The following RC3H1 variants were observed in gnomAD, a reference collection of about 807,000 sequenced individuals.
RC3H1 encodes the protein roquin-1.
In RC3H1, 50 loss-of-function variants were observed where a neutral mutation model predicts 138.2. That is an observed-to-expected ratio of 0.36 (90% CI 0.29 to 0.46). The LOEUF is 0.46. RC3H1 is among the 20% of genes least tolerant of loss of function. The pLI is 1.00. For missense variants in RC3H1, 1,031 were observed against 1,388.1 expected (o/e 0.74, Z 4.09); for synonymous variants, 462 against 489.1 (o/e 0.94, Z 0.73).
At chr1:173,969,439 G>A (rs1660257928) in intron 9 of RC3H1, 1 of 151,572 alleles carries the variant, frequency 6.6e-6, no homozygotes, top group Non-Finnish European at 1.5e-5. Context: ...CCTTAGACAT[G>A]GCATCTATTG....
chr1:173,995,412 TA>T (rs1279072634), intron 1 of RC3H1, among the ~76,000 whole-genome samples: 2 of 151,414 alleles, frequency 1.3e-5, no homozygotes, highest in Non-Finnish European at 2.9e-5. Context: ...ACAATGCATG[TA>T]ATCTCAGCTA....
intron 1 of RC3H1, among the ~76,000 whole-genome samples, chr1:174,010,988 C>T (rs1031949279): frequency 2.0e-5 from 3 of 152,134 alleles, no homozygotes; most frequent in Non-Finnish European, 4.4e-5. Context: ...GGTGCTACCA[C>T]TTCACTATTT....
chr1:174,019,014 G>C (rs1661912347), intron 1 of RC3H1, among the ~76,000 whole-genome samples: 1 of 151,986 alleles, frequency 6.6e-6, no homozygotes, highest in Non-Finnish European at 1.5e-5. Context: ...AATATTAGCT[G>C]ACCCAACTTT....
intron 1 of RC3H1, among the ~76,000 whole-genome samples, chr1:174,020,042 T>C (rs1284427524): frequency 6.6e-6 from 1 of 152,000 alleles, no homozygotes; most frequent in African/African-American, 2.4e-5. Context: ...TTACTACAAT[T>C]GTTCTAATAG....
chr1:173,940,099 T>TA (rs1557916101), intron 19 of RC3H1, among the ~76,000 whole-genome samples: 2 of 152,152 alleles, frequency 1.3e-5, no homozygotes, highest in African/African-American at 4.8e-5. Context: ...TGATATAGGA[T>TA]AGACTGAATT....
rs1347836957 is a variant in RC3H1 at position 173,936,856 on chromosome 1, A to G, written c.*1865T>C. On this transcript the variant is annotated 3_prime_UTR_variant, in exon 20 of 20. Coordinates refer to ENST00000367696, the MANE Select transcript of RC3H1 (RefSeq NM_172071.4). ...TCATTCAGTGCTTCTACCACCTCCC[A>G]ATCGGTCAATTTATCGCAACAGCTG... is the stretch of plus-strand genomic sequence containing the variant. The G allele has an allele frequency of 6.9e-6, 1 of 145,708 alleles. No homozygotes were observed. The highest frequency in any genetic ancestry group is 6.9e-5 in the Admixed American group (1 of 14,468). The allele number at this position is 145,708 out of a possible 1,614,324, so 9.0% of individuals were successfully genotyped here.
At chr1:173,962,877 A>T in intron 11 of RC3H1, among the ~76,000 whole-genome samples, 1 of 152,208 alleles carries the variant, frequency 6.6e-6, no homozygotes, top group East Asian at 1.9e-4. Flanking sequence ...CATATTTTGC[A>T]TGAATTAGTA....
intron 2 of RC3H1, among the ~76,000 whole-genome samples, chr1:173,986,780 T>C (rs56926540): frequency 0.13 from 19,044 of 152,134 alleles, 1,286 homozygotes; most frequent in East Asian, 0.22. Flanking sequence ...GCCAGGCTGG[T>C]CTCCAACTCC....
At chr1:173,972,752 A>C in intron 7 of RC3H1, 125 bp from the exon 8 acceptor site, 1 of 650,472 alleles carries the variant, frequency 1.5e-6, no homozygotes, top group South Asian at 1.8e-5. Flanking sequence ...AGCTTTTTAG[A>C]TAATAGCTTA....
intron 2 of RC3H1, among the ~76,000 whole-genome samples, chr1:173,990,454 G>A (rs954376741): frequency 4.0e-5 from 6 of 151,872 alleles, no homozygotes; most frequent in African/African-American, 1.5e-4. Flanking sequence ...TCTATTTTCA[G>A]ATTGTCCATT....
At chr1:173,996,986 C>A (rs968344484) in intron 1 of RC3H1, among the ~76,000 whole-genome samples, 1 of 151,922 alleles carries the variant, frequency 6.6e-6, no homozygotes, top group African/African-American at 2.4e-5. Context: ...CCCCAGCACT[C>A]TGGGAGGTGG....
Position 173,934,929 on chromosome 1 carries a change from C to T in RC3H1, c.*3792G>A, listed in dbSNP as rs1001345372. ...CTCAAAGTAGCAAATGAGAATCATACCAATATTCTTTTAGGCAAAAGAAAT... is the reference window on the plus strand; with the variant it reads ...CTCAAAGTAGCAAATGAGAATCATATCAATATTCTTTTAGGCAAAAGAAAT... On this transcript the variant is annotated 3_prime_UTR_variant, in exon 20 of 20. Transcript: ENST00000367696. 3.9e-5 allele frequency: 6 copies of T among 152,062 alleles called. No individual in the cohort carries two copies. Among genetic ancestry groups the T allele is most frequent in the Non-Finnish European group, 8.8e-5 (6 of 67,978 alleles). 9.4% of individuals were successfully genotyped at this position (152,062 alleles called of 1,614,324 possible). A position where few individuals can be genotyped will look rare whatever the true frequency, so the allele number is the denominator to read the frequency against.
At chr1:174,019,249 TG>T (rs976182091) in intron 1 of RC3H1, among the ~76,000 whole-genome samples, 1 of 152,218 alleles carries the variant, frequency 6.6e-6, no homozygotes, top group Non-Finnish European at 1.5e-5. Context: ...AATACTTTCT[TG>T]GTCTTACAAG....
rs1658673837 is a variant in RC3H1, at chr1:173,937,950, G to C, written c.*771C>G. 6.6e-6 allele frequency: 1 copy of C among 152,156 alleles called. No homozygotes were observed. Among genetic ancestry groups the C allele is most frequent in the African/African-American group, 2.4e-5 (1 of 41,428 alleles). The allele number at this position is 152,156 out of a possible 1,614,324, so 9.4% of individuals were successfully genotyped here. On this transcript the variant is annotated 3_prime_UTR_variant, in exon 20 of 20. Transcript: ENST00000367696. ...TTAAATCTAATTAAACACTGAATCA[G>C]CTTTCTGATTATATTAAGAGAATGC...
rs966264101 is a variant in RC3H1 at position 173,958,552 on chromosome 1, C to CA, written c.2370+2524dup. Among the ~76,000 whole-genome samples the CA allele has an allele frequency of 7.5e-4, 94 of 126,164 alleles. 1 individual carries two copies. Among genetic ancestry groups the CA allele is most frequent in the Admixed American group, 2.7e-3 (34 of 12,726 alleles). 82.8% of individuals were successfully genotyped at this position (126,164 alleles called of 152,430 possible). On this transcript the variant is annotated intron_variant, in intron 13 of 19. Transcript: ENST00000367696. ...CAGAGCAAGACTCTGTCTCACAAAA[C>CA]AAAAAAAAAAAAGTTGGCTTTTTGA...
intron 1 of RC3H1, among the ~76,000 whole-genome samples, chr1:174,006,021 C>G (rs1470656646): frequency 5.3e-5 from 8 of 152,226 alleles, no homozygotes; most frequent in East Asian, 1.9e-4. Context: ...ACCTGGCCAA[C>G]ATGACAAAAC....
chr1:174,016,472 T>A (rs915061856), intron 1 of RC3H1, among the ~76,000 whole-genome samples: 35 of 146,920 alleles, frequency 2.4e-4, no homozygotes, highest in African/African-American at 4.1e-4. Flanking sequence ...TTGCCCAGGC[T>A]GGTCTGGAAC....
At chr1:173,986,500 G>A (rs113023816) in intron 2 of RC3H1, among the ~76,000 whole-genome samples, 2 of 151,892 alleles carry the variant, frequency 1.3e-5, no homozygotes, top group East Asian at 1.9e-4. Flanking sequence ...GACTGGCCTC[G>A]AATTCCTGGG....
Position 173,938,624 on chromosome 1 carries a change from G to T in RC3H1, c.*97C>A. 3 of 878,148 alleles carry T rather than the reference G, an allele frequency of 3.4e-6. No individual in the cohort carries two copies. The highest frequency in any genetic ancestry group is 3.3e-6 in the Non-Finnish European group (2 of 600,604). 54.4% of individuals were successfully genotyped at this position (878,148 alleles called of 1,614,324 possible). ...GTGAATTTCCTGGATTTCTCTGACC[G>T]CTCTTAAGAGAAAAAGTTTAGAAGT... On this transcript the variant is annotated 3_prime_UTR_variant, in exon 20 of 20. Transcript: ENST00000367696.
Sources: gnomAD v4.1 joint callset for allele counts (sites outside exome capture counted in the v4.1 genomes callset) on GRCh38, gnomAD v4.1.1 for gene constraint, MANE v1.5 for transcripts, NCBI Gene and HGNC (gene_info 2026-07-23, HGNC 2026-07-21) for gene names.